The following JPH1 variants were observed in gnomAD, a reference collection of about 807,000 sequenced individuals.
JPH1 encodes junctophilin-1.
JPH1 carries 12 observed loss-of-function variants against 53.6 expected under a neutral mutation model. That is an observed-to-expected ratio of 0.22 (90% CI 0.14 to 0.36). JPH1 has a LOEUF of 0.36. Among genes scored for constraint, JPH1 ranks in the 10% least tolerant of loss-of-function variants. JPH1 has a pLI of 1.00. For missense variants in JPH1, 808 were observed against 905.5 expected (o/e 0.89, Z 1.38); for synonymous variants, 375 against 363.8 (o/e 1.03, Z -0.35).
At chr8:74,298,950 G>A (rs933651555) in intron 2 of JPH1, among the ~76,000 whole-genome samples, 1 of 152,178 alleles carries the variant, frequency 6.6e-6, no homozygotes, top group Non-Finnish European at 1.5e-5. Flanking sequence ...AGAATATCAG[G>A]AGAAGATTAA....
At chr8:74,289,568 C>T (rs1211110183) in intron 2 of JPH1, among the ~76,000 whole-genome samples, 2 of 152,222 alleles carry the variant, frequency 1.3e-5, no homozygotes, top group African/African-American at 2.4e-5. Context: ...ACTTAGCACA[C>T]TCTCTCCCCA....
intron 2 of JPH1, among the ~76,000 whole-genome samples, chr8:74,297,900 T>TATAA (rs58474106): frequency 0.43 from 65,253 of 151,770 alleles, 14,590 homozygotes; most frequent in African/African-American, 0.56. Flanking sequence ...GATGAAATTA[T>TATAA]ATAGAGAAAT....
At chr8:74,251,441 G>C (rs527546984) in intron 3 of JPH1, among the ~76,000 whole-genome samples, 19 of 152,192 alleles carry the variant, frequency 1.2e-4, no homozygotes, top group African/African-American at 4.6e-4. Flanking sequence ...GTTCTTGGGG[G>C]ATGACTCACT....
intron 4 of JPH1, among the ~76,000 whole-genome samples, chr8:74,238,830 G>T (rs1423455252): frequency 6.6e-6 from 1 of 152,104 alleles, no homozygotes; most frequent in African/African-American, 2.4e-5. Context: ...GTTAATTTTT[G>T]TATTTTTTGT....
At chr8:74,295,049 T>C (rs1807466010) in intron 2 of JPH1, among the ~76,000 whole-genome samples, 1 of 152,228 alleles carries the variant, frequency 6.6e-6, no homozygotes, top group African/African-American at 2.4e-5. Flanking sequence ...TAAGTTTGAA[T>C]GACAATAGCA....
At chr8:74,294,680 C>T (rs911427375) in intron 2 of JPH1, among the ~76,000 whole-genome samples, 4 of 152,074 alleles carry the variant, frequency 2.6e-5, no homozygotes, top group East Asian at 1.9e-4. Context: ...GGATAGAGTC[C>T]GTATCTTTTT....
intron 2 of JPH1, among the ~76,000 whole-genome samples, chr8:74,284,364 GGA>G (rs1475024327): frequency 1.3e-5 from 2 of 152,180 alleles, no homozygotes; most frequent in African/African-American, 2.4e-5. Flanking sequence ...AAGGAATTGT[GGA>G]GAGAGTGGCT....
chr8:74,265,079 G>A (rs1008664912), intron 2 of JPH1, among the ~76,000 whole-genome samples: 1 of 152,142 alleles, frequency 6.6e-6, no homozygotes, highest in Non-Finnish European at 1.5e-5. Flanking sequence ...ATTCTATCAT[G>A]TATGTAACTC....
intron 2 of JPH1, among the ~76,000 whole-genome samples, chr8:74,300,435 C>G (rs1255465701): frequency 2.0e-5 from 3 of 152,180 alleles, no homozygotes; most frequent in African/African-American, 7.2e-5. Flanking sequence ...CAGGCCCACG[C>G]TTTTTCCTCC....
intron 2 of JPH1, among the ~76,000 whole-genome samples, chr8:74,306,410 C>G (rs1024789382): frequency 6.6e-6 from 1 of 152,052 alleles, no homozygotes; most frequent in South Asian, 2.1e-4. Context: ...CTAGGCACCC[C>G]CCCTTTCTCC....
rs746817547 is a variant in JPH1, at chr8:74,321,041, G to C, written c.247C>G (p.Arg83Gly). ...GVETKGKWMY[R>G]GEWSHGFKGR... ...TTGAAACCATGTGACCACTCCCCCC[G>C]GTACATCCACTTGCCCTTCGTCTCC... The change falls in exon 1 of 6, where the codon CGG becomes GGG. Residue 83 changes from arginine (R) to glycine (G), a missense_variant. Around this residue, in one of 2 missense-constraint regions of JPH1, gnomAD observed 756 missense variants for 811.9 expected, o/e 0.93. Coordinates refer to ENST00000342232, the MANE Select transcript of JPH1 (RefSeq NM_020647.4). This position sits in a 1 kb window ranked among gnomAD's most constrained non-coding sequence, Gnocchi z 4.3. 3.7e-6 allele frequency: 6 copies of C among 1,613,162 alleles called. No individual in the cohort carries two copies. Among genetic ancestry groups the C allele is most frequent in the Non-Finnish European group, 5.1e-6 (6 of 1,179,682 alleles).
chr8:74,284,143 C>G (rs1294319771), intron 2 of JPH1, among the ~76,000 whole-genome samples: 1 of 152,200 alleles, frequency 6.6e-6, no homozygotes, highest in Non-Finnish European at 1.5e-5. Context: ...AACTCCTAAA[C>G]AAACTCTCTA....
intron 2 of JPH1, among the ~76,000 whole-genome samples, chr8:74,311,082 C>T (rs1168141935): frequency 6.6e-6 from 1 of 152,204 alleles, no homozygotes; most frequent in African/African-American, 2.4e-5. Flanking sequence ...TATGCCACCA[C>T]ACCCGGCTAA....
intron 2 of JPH1, among the ~76,000 whole-genome samples, chr8:74,282,733 T>C (rs1807048026): frequency 6.6e-6 from 1 of 152,204 alleles, no homozygotes; most frequent in African/African-American, 2.4e-5. Flanking sequence ...AAATACATTC[T>C]AGTGTTCTAT....
intron 2 of JPH1, among the ~76,000 whole-genome samples, chr8:74,266,455 C>CA (rs1010603059): frequency 1.3e-5 from 2 of 152,072 alleles, no homozygotes; most frequent in African/African-American, 4.8e-5. Flanking sequence ...AAGCCAGTCA[C>CA]AAAAAGACAA....
At chr8:74,237,127 G>T in intron 5 of JPH1, 81 bp downstream of exon 5, 2 of 907,344 alleles carry the variant, frequency 2.2e-6, no homozygotes, top group Middle Eastern at 2.7e-4. Context: ...ATACGTCATT[G>T]TTAAAAAAAA....
intron 2 of JPH1, among the ~76,000 whole-genome samples, chr8:74,259,969 A>T (rs1806344676): frequency 6.6e-6 from 1 of 152,222 alleles, no homozygotes; most frequent in African/African-American, 2.4e-5. Context: ...TTGAAGAAAA[A>T]AATTAGTGAA....
intron 3 of JPH1, among the ~76,000 whole-genome samples, chr8:74,253,824 T>C (rs1806139760): frequency 6.6e-6 from 1 of 151,680 alleles, no homozygotes. Context: ...ACACAAACAC[T>C]CTCCCAAGAC....
intron 2 of JPH1, among the ~76,000 whole-genome samples, chr8:74,299,666 G>A (rs997396808): frequency 1.3e-5 from 2 of 152,188 alleles, no homozygotes; most frequent in Admixed American, 1.3e-4. Flanking sequence ...TTTGGCTAAA[G>A]TTTTTCTTTT....
Sources: gnomAD v4.1 joint callset for allele counts (sites outside exome capture counted in the v4.1 genomes callset) on GRCh38, gnomAD v4.1.1 for gene constraint, gnomAD v4.1.1 regional missense constraint, Gnocchi (gnomAD v3.1) non-coding constraint, MANE v1.5 for transcripts, NCBI Gene and HGNC (gene_info 2026-07-23, HGNC 2026-07-21) for gene names.